SLX4IP: variants seen among roughly 807,000 people sequenced by gnomAD.
SLX4IP encodes the protein SLX4 interacting protein, also known as protein SLX4IP.
SLX4IP carries 34 observed loss-of-function variants against 32.9 expected under a neutral mutation model. The ratio of observed to expected loss-of-function variants is 1.03; its 90% CI spans 0.79 to 1.38. SLX4IP has a LOEUF of 1.38. Ranked by LOEUF, SLX4IP falls within the 40% of genes most tolerant of loss-of-function variation. SLX4IP has a pLI of 0.00. For missense variants in SLX4IP, 444 were observed against 479.0 expected (o/e 0.93, Z 0.68); for synonymous variants, 172 against 171.7 (o/e 1.00, Z -0.01).
intron 6 of SLX4IP, among the ~76,000 whole-genome samples, chr20:10,611,964 A>G (rs74328697): frequency 0.016 from 2,452 of 152,320 alleles, 34 homozygotes; most frequent in Non-Finnish European, 0.024. Flanking sequence ...CACAGGGAGC[A>G]GGCCTCCTAG....
Position 10,504,034 on chromosome 20 carries a change from T to C in SLX4IP, c.27+45803T>C, listed in dbSNP as rs184354794. Among the ~76,000 whole-genome samples the C allele has an allele frequency of 1.6e-4, 24 of 152,322 alleles. No homozygotes were observed. The East Asian group carries it at 4.1e-3, about 26-fold the overall frequency. On this transcript the variant is annotated intron_variant, in intron 2 of 7. Coordinates refer to ENST00000334534, the MANE Select transcript of SLX4IP (RefSeq NM_001009608.3). Reference sequence around the variant, plus strand: ...CTAATATCTTTTGGATCTTATGATATCCAGTTCAGCCCACAATTAAACCCA... The same window carrying C: ...CTAATATCTTTTGGATCTTATGATACCCAGTTCAGCCCACAATTAAACCCA...
intron 6 of SLX4IP, among the ~76,000 whole-genome samples, chr20:10,607,576 C>T (rs1268490882): frequency 1.3e-5 from 2 of 152,280 alleles, no homozygotes; most frequent in African/African-American, 4.8e-5. Flanking sequence ...ACATGTTCAA[C>T]AGATAGTTAA....
At chr20:10,450,537 A>T (rs1568686141) in intron 1 of SLX4IP, among the ~76,000 whole-genome samples, 1 of 152,204 alleles carries the variant, frequency 6.6e-6, no homozygotes, top group Non-Finnish European at 1.5e-5. Flanking sequence ...TATTTTTCTA[A>T]GTCATGTGCA....
chr20:10,576,376 A>ACACC (rs1180003327), intron 4 of SLX4IP, among the ~76,000 whole-genome samples: 2 of 152,168 alleles, frequency 1.3e-5, no homozygotes, highest in African/African-American at 4.8e-5. Context: ...AGGCATGGTG[A>ACACC]ATAACTGTTC....
At chr20:10,465,199 C>T (rs1176974962) in intron 2 of SLX4IP, among the ~76,000 whole-genome samples, 1 of 152,208 alleles carries the variant, frequency 6.6e-6, no homozygotes, top group Non-Finnish European at 1.5e-5. Flanking sequence ...TAAACCCAAG[C>T]TTTGCACCCA....
chr20:10,450,326 C>A (rs1277689627), intron 1 of SLX4IP, among the ~76,000 whole-genome samples: 1 of 152,100 alleles, frequency 6.6e-6, no homozygotes, highest in African/African-American at 2.4e-5. Context: ...CAAGATTATT[C>A]AAGCCTGATT....
At chr20:10,558,040 C>T (rs1224342519) in intron 3 of SLX4IP, among the ~76,000 whole-genome samples, 1 of 152,104 alleles carries the variant, frequency 6.6e-6, no homozygotes, top group Non-Finnish European at 1.5e-5. Context: ...TTTAATTTGC[C>T]CTTTTAAAAT....
intron 2 of SLX4IP, among the ~76,000 whole-genome samples, chr20:10,475,657 C>T (rs1027163872): frequency 6.6e-6 from 1 of 152,184 alleles, no homozygotes; most frequent in African/African-American, 2.4e-5. Context: ...GATAGTGGCT[C>T]CTCACCTCCC....
rs538017423 is a variant in SLX4IP at position 10,624,633 on chromosome 20, G to C, written c.*1254G>C. ...TCCCCTAAGTAATAAGGAAAACCAA[G>C]TATATTCCCTAAAGTGTTGAAGTTA... is the stretch of plus-strand genomic sequence containing the variant. On this transcript the variant is annotated 3_prime_UTR_variant, in exon 8 of 8. Transcript: ENST00000334534. The C allele has an allele frequency of 1.5e-4, 23 of 151,936 alleles. No homozygotes were observed. Among genetic ancestry groups the C allele is most frequent in the African/African-American group, 5.6e-4 (23 of 41,416 alleles). 9.4% of individuals were successfully genotyped at this position (151,936 alleles called of 1,614,324 possible).
chr20:10,533,627 T>C (rs2122467900), intron 2 of SLX4IP, among the ~76,000 whole-genome samples: 1 of 149,578 alleles, frequency 6.7e-6, no homozygotes, highest in Non-Finnish European at 1.5e-5. Context: ...CTTTTTTTTT[T>C]TTTTTTTTTT....
chr20:10,621,494 A>G (rs2067112173), intron 7 of SLX4IP, 80 bp downstream of exon 7: 4 of 1,284,102 alleles, frequency 3.1e-6, no homozygotes, highest in Admixed American at 3.8e-5. Flanking sequence ...AGAATTAAAC[A>G]GAGTGCCTGG....
intron 1 of SLX4IP, among the ~76,000 whole-genome samples, chr20:10,454,026 G>A (rs1006744726): frequency 4.0e-5 from 6 of 151,738 alleles, no homozygotes; most frequent in African/African-American, 1.5e-4. Flanking sequence ...TTGCTTTATG[G>A]CTGTAGTATC....
At chr20:10,591,355 G>A (rs2066707637) in intron 4 of SLX4IP, among the ~76,000 whole-genome samples, 1 of 152,176 alleles carries the variant, frequency 6.6e-6, no homozygotes, top group South Asian at 2.1e-4. Flanking sequence ...TGTTAGAATA[G>A]TCCAGTGGTT....
intron 2 of SLX4IP, among the ~76,000 whole-genome samples, chr20:10,522,259 CT>C (rs141774596): frequency 0.022 from 3,344 of 152,176 alleles, 103 homozygotes; most frequent in African/African-American, 0.066. Context: ...TTAATGTTGC[CT>C]TTTTTGGGGG....
At chr20:10,605,555 C>CT (rs1226881909) in intron 6 of SLX4IP, among the ~76,000 whole-genome samples, 1 of 152,182 alleles carries the variant, frequency 6.6e-6, no homozygotes, top group African/African-American at 2.4e-5. Context: ...CCCAGCCCTA[C>CT]TTTTTTTACT....
At chr20:10,519,740 G>C (rs1373317866) in intron 2 of SLX4IP, among the ~76,000 whole-genome samples, 9 of 152,180 alleles carry the variant, frequency 5.9e-5, no homozygotes, top group Non-Finnish European at 1.3e-4. Flanking sequence ...TATATACCTG[G>C]AAGTGGAATT....
chr20:10,439,236 A>G (rs2065141495), intron 1 of SLX4IP, among the ~76,000 whole-genome samples: 1 of 151,132 alleles, frequency 6.6e-6, no homozygotes, highest in African/African-American at 2.4e-5. Context: ...TTTTTTTGAG[A>G]CTGGGTCCCA....
At chr20:10,469,780 G>A (rs188976039) in intron 2 of SLX4IP, among the ~76,000 whole-genome samples, 11 of 152,284 alleles carry the variant, frequency 7.2e-5, no homozygotes, top group Admixed American at 3.3e-4. Flanking sequence ...TTTTACAGTC[G>A]TTGGCTCGTG....
chr20:10,546,384 G>A (rs974332886), intron 2 of SLX4IP, among the ~76,000 whole-genome samples: 2 of 152,126 alleles, frequency 1.3e-5, no homozygotes, highest in African/African-American at 2.4e-5. Flanking sequence ...GTGTGTGGCC[G>A]GAGTAAAACC....
Sources: gnomAD v4.1 joint callset for allele counts (sites outside exome capture counted in the v4.1 genomes callset) on GRCh38, gnomAD v4.1.1 for gene constraint, MANE v1.5 for transcripts, NCBI Gene and HGNC (gene_info 2026-07-23, HGNC 2026-07-21) for gene names.